ZNF804A: variants seen among roughly 807,000 people sequenced by gnomAD.
ZNF804A encodes the protein zinc finger protein 804A.
ZNF804A carries 2 observed loss-of-function variants against 16.5 expected under a neutral mutation model. The observed-to-expected ratio is 0.12, with a 90% CI of 0.05 to 0.38. ZNF804A has a LOEUF of 0.38. Ranked by LOEUF, ZNF804A falls within the 10% of genes least tolerant of loss-of-function variation. The pLI is 0.99. For synonymous variants in ZNF804A, 534 were observed against 489.6 expected (o/e 1.09, Z -1.20); for missense variants, 1,473 against 1,390.7 (o/e 1.06, Z -0.94).
At chr2:184,608,563 G>A (rs1372679381) in intron 1 of ZNF804A, among the ~76,000 whole-genome samples, 1 of 152,152 alleles carries the variant, frequency 6.6e-6, no homozygotes, top group Non-Finnish European at 1.5e-5. Context: ...TTATTGTTAA[G>A]CTCCATCACA....
chr2:184,651,561 C>G (rs1691984054), intron 1 of ZNF804A, among the ~76,000 whole-genome samples: 1 of 152,062 alleles, frequency 6.6e-6, no homozygotes, highest in Non-Finnish European at 1.5e-5. Context: ...ATATCTATAT[C>G]TGGAATCTAT....
rs1299510874 is a variant in ZNF804A, at chr2:184,853,771, T to A, written c.112-12598T>A. ...AACTGATCTTGGTAAATAATGATTTTAATGTGCTGTTGAATTTTGTTTGCT... is the reference window on the plus strand; with the variant it reads ...AACTGATCTTGGTAAATAATGATTTAAATGTGCTGTTGAATTTTGTTTGCT... On this transcript the variant is annotated intron_variant, in intron 1 of 3. Coordinates refer to ENST00000302277, the MANE Select transcript of ZNF804A (RefSeq NM_194250.2). Among the ~76,000 whole-genome samples the A allele has an allele frequency of 4.6e-5, 7 of 151,872 alleles. No homozygotes were observed. The South Asian group carries it at 1.2e-3, about 27-fold the overall frequency.
intron 1 of ZNF804A, among the ~76,000 whole-genome samples, chr2:184,685,064 G>A (rs1692606062): frequency 6.6e-6 from 1 of 152,098 alleles, no homozygotes; most frequent in African/African-American, 2.4e-5. Context: ...AAGATTGAGG[G>A]AGGCATGTAG....
At chr2:184,924,024 T>C (rs1198451706) in intron 2 of ZNF804A, among the ~76,000 whole-genome samples, 1 of 151,870 alleles carries the variant, frequency 6.6e-6, no homozygotes, top group Admixed American at 6.6e-5. Flanking sequence ...TGTGTGTGTG[T>C]GTGTGTGTGT....
At chr2:184,682,174 A>G (rs971842995) in intron 1 of ZNF804A, among the ~76,000 whole-genome samples, 1 of 152,152 alleles carries the variant, frequency 6.6e-6, no homozygotes, top group African/African-American at 2.4e-5. Flanking sequence ...GGAGGCAGAC[A>G]CATTCCTGTG....
At chr2:184,617,547 A>G (rs2105677051) in intron 1 of ZNF804A, among the ~76,000 whole-genome samples, 1 of 151,918 alleles carries the variant, frequency 6.6e-6, no homozygotes. Flanking sequence ...TGGATTTATA[A>G]ATAAAATAAC....
chr2:184,842,997 C>T (rs921526272), intron 1 of ZNF804A, among the ~76,000 whole-genome samples: 1 of 152,134 alleles, frequency 6.6e-6, no homozygotes, highest in Non-Finnish European at 1.5e-5. Context: ...TCATGTCTTG[C>T]CCTTTACTTA....
chr2:184,764,183 A>G (rs1236105156), intron 1 of ZNF804A, among the ~76,000 whole-genome samples: 1 of 151,900 alleles, frequency 6.6e-6, no homozygotes, highest in Non-Finnish European at 1.5e-5. Context: ...ACATAAAAAC[A>G]TAAAAATTAT....
At chr2:184,737,049 T>G (rs1001241973) in intron 1 of ZNF804A, among the ~76,000 whole-genome samples, 1 of 151,050 alleles carries the variant, frequency 6.6e-6, no homozygotes, top group Non-Finnish European at 1.5e-5. Flanking sequence ...TACTACTTTT[T>G]TTTGTTTGTT....
chr2:184,674,256 T>C (rs1269613728), intron 1 of ZNF804A, among the ~76,000 whole-genome samples: 1 of 152,054 alleles, frequency 6.6e-6, no homozygotes. Context: ...ATTATCCCTC[T>C]TTTCTTTTAA....
intron 1 of ZNF804A, among the ~76,000 whole-genome samples, chr2:184,780,677 C>T (rs574090234): frequency 6.6e-6 from 1 of 151,682 alleles, no homozygotes. Context: ...TGAAGTGAAA[C>T]GAAGAAAAGC....
chr2:184,736,643 C>T (rs558810947), intron 1 of ZNF804A, among the ~76,000 whole-genome samples: 52 of 152,004 alleles, frequency 3.4e-4, no homozygotes, highest in East Asian at 9.7e-4. Flanking sequence ...CAAACCACCA[C>T]GGCACACGTA....
chr2:184,634,764 T>C (rs1206742048), intron 1 of ZNF804A, among the ~76,000 whole-genome samples: 1 of 152,206 alleles, frequency 6.6e-6, no homozygotes, highest in African/African-American at 2.4e-5. Context: ...ACCTTTGACC[T>C]CCAGAACTGT....
intron 1 of ZNF804A, among the ~76,000 whole-genome samples, chr2:184,852,068 T>A (rs1695612355): frequency 6.6e-6 from 1 of 151,842 alleles, no homozygotes; most frequent in Non-Finnish European, 1.5e-5. Context: ...TTGAATTTCT[T>A]ATCAATTTTG....
intron 1 of ZNF804A, among the ~76,000 whole-genome samples, chr2:184,741,169 T>C (rs1693703913): frequency 6.6e-6 from 1 of 152,158 alleles, no homozygotes; most frequent in Non-Finnish European, 1.5e-5. Context: ...TAGAATTCAT[T>C]GAATTCACTG....
At chr2:184,786,346 C>T (rs2105776420) in intron 1 of ZNF804A, among the ~76,000 whole-genome samples, 1 of 152,004 alleles carries the variant, frequency 6.6e-6, no homozygotes, top group Non-Finnish European at 1.5e-5. Context: ...AAGCAATTCC[C>T]TAATAACTTT....
chr2:184,632,918 TG>T (rs889337255), intron 1 of ZNF804A, among the ~76,000 whole-genome samples: 35 of 152,332 alleles, frequency 2.3e-4, no homozygotes, highest in African/African-American at 8.2e-4. Flanking sequence ...CATATTGGTC[TG>T]GGGACTGAAT....
In ZNF804A at chr2:184,851,041, T is replaced by C. The variant is rs371816779; in HGVS notation, c.112-15328T>C. On this transcript the variant is annotated intron_variant, in intron 1 of 3. Coordinates refer to ENST00000302277, the MANE Select transcript of ZNF804A (RefSeq NM_194250.2). Reference sequence around the variant, plus strand: ...TCTGTTCTGTTTGCTTTTTTACACATTTTCTTTTATAAAATTTATTTTTAA... The same window carrying C: ...TCTGTTCTGTTTGCTTTTTTACACACTTTCTTTTATAAAATTTATTTTTAA... Among the ~76,000 whole-genome samples, 6 of 151,900 alleles carry C rather than the reference T, an allele frequency of 3.9e-5. No homozygotes were observed. The East Asian group carries it at 7.7e-4, about 20-fold the overall frequency.
intron 1 of ZNF804A, among the ~76,000 whole-genome samples, chr2:184,778,249 A>G (rs1358355559): frequency 6.6e-6 from 1 of 151,606 alleles, no homozygotes; most frequent in Non-Finnish European, 1.5e-5. Context: ...TTCTCATTTA[A>G]TAAATATTCA....
Sources: gnomAD v4.1 joint callset for allele counts (sites outside exome capture counted in the v4.1 genomes callset) on GRCh38, gnomAD v4.1.1 for gene constraint, MANE v1.5 for transcripts, NCBI Gene and HGNC (gene_info 2026-07-23, HGNC 2026-07-21) for gene names.